Variants in HECW1 observed in about 807,000 individuals in gnomAD.
HECW1 encodes E3 ubiquitin-protein ligase HECW1.
In HECW1, 61 loss-of-function variants were observed where a neutral mutation model predicts 182.3. That is an observed-to-expected ratio of 0.33 (90% CI 0.27 to 0.41). The LOEUF is 0.41. Ranked by LOEUF, HECW1 falls within the 10% of genes least tolerant of loss-of-function variation. The pLI is 1.00. For synonymous variants in HECW1, 859 were observed against 832.6 expected (o/e 1.03, Z -0.55); for missense variants, 1,739 against 2,108.9 (o/e 0.82, Z 3.44).
At chr7:43,281,778 C>G (rs1000301007) in intron 3 of HECW1, among the ~76,000 whole-genome samples, 2 of 113,810 alleles carry the variant, frequency 1.8e-5, no homozygotes, top group African/African-American at 6.8e-5. Context: ...AGGCTAGTCT[C>G]TTGTATTCCT....
chr7:43,477,474 G>A (rs957625206), intron 16 of HECW1, among the ~76,000 whole-genome samples: 2 of 152,130 alleles, frequency 1.3e-5, no homozygotes, highest in Non-Finnish European at 2.9e-5. Context: ...AAAGCATGTT[G>A]ATGCATTTTG....
rs368019811 is a variant in HECW1 at position 43,286,993 on chromosome 7, G to A, written c.28-24770G>A. Among the ~76,000 whole-genome samples the A allele has an allele frequency of 7.9e-5, 12 of 152,216 alleles. No individual in the cohort carries two copies. In the South Asian group the frequency reaches 1.2e-3, roughly 16 times the overall value. Reference sequence around the variant, plus strand: ...TATTGAGTAATTTGCTGTGTCCCGGGCATTGTTTAATGATGGTTGGGGGTA... The same window carrying A: ...TATTGAGTAATTTGCTGTGTCCCGGACATTGTTTAATGATGGTTGGGGGTA... On this transcript the variant is annotated intron_variant, in intron 3 of 29. Coordinates refer to ENST00000395891, the MANE Select transcript of HECW1 (RefSeq NM_015052.5).
chr7:43,195,507 T>A (rs1217043893), intron 2 of HECW1, among the ~76,000 whole-genome samples: 1 of 152,132 alleles, frequency 6.6e-6, no homozygotes, highest in East Asian at 1.9e-4. Flanking sequence ...TAGCCACGCC[T>A]CTTATGTTAC....
chr7:43,333,845 C>T (rs999855259), intron 5 of HECW1, among the ~76,000 whole-genome samples: 2 of 152,100 alleles, frequency 1.3e-5, no homozygotes, highest in African/African-American at 4.8e-5. Context: ...TCTACCTTCC[C>T]CTTGTAATAA....
At chr7:43,537,010 C>T (rs528443118) in intron 24 of HECW1, among the ~76,000 whole-genome samples, 3 of 152,338 alleles carry the variant, frequency 2.0e-5, no homozygotes, top group African/African-American at 4.8e-5. Context: ...GTTGCAGAGG[C>T]TGAGACGGTA....
chr7:43,364,796 C>T (rs1053464545), intron 6 of HECW1, among the ~76,000 whole-genome samples: 2 of 152,220 alleles, frequency 1.3e-5, no homozygotes, highest in South Asian at 4.1e-4. Flanking sequence ...GCACCTATCA[C>T]GTTTTATGTC....
At chr7:43,365,824 T>A (rs1816570126) in intron 6 of HECW1, among the ~76,000 whole-genome samples, 1 of 152,346 alleles carries the variant, frequency 6.6e-6, no homozygotes. Flanking sequence ...CTGGGTGCAG[T>A]GGCTCACGCC....
At chr7:43,345,417 T>A (rs1025094944) in intron 5 of HECW1, among the ~76,000 whole-genome samples, 15 of 152,132 alleles carry the variant, frequency 9.9e-5, no homozygotes, top group Non-Finnish European at 1.5e-5. Context: ...TATGGTTTTT[T>A]ATTTTTATTT....
At chr7:43,299,689 A>G (rs951552833) in intron 3 of HECW1, among the ~76,000 whole-genome samples, 2 of 152,240 alleles carry the variant, frequency 1.3e-5, no homozygotes, top group African/African-American at 4.8e-5. Context: ...GAGACGTTTA[A>G]GAAATCATAG....
chr7:43,529,197 C>G lies in HECW1; in HGVS notation c.4020-11966C>G, dbSNP rs535214359. On this transcript the variant is annotated intron_variant, in intron 24 of 29. Transcript: ENST00000395891. ...ACAGCCGGCGTTCCCACCTCCTCCC[C>G]CTACCATCGCTCCTTGCCAAGCTCG... 4.6e-5 allele frequency among the ~76,000 whole-genome samples: 7 copies of G among 152,186 alleles called. No homozygotes were observed. In the South Asian group the frequency reaches 1.5e-3, roughly 32 times the overall value.
chr7:43,421,515 A>T (rs1012544358), intron 8 of HECW1, among the ~76,000 whole-genome samples: 3 of 152,220 alleles, frequency 2.0e-5, no homozygotes, highest in Non-Finnish European at 2.9e-5. Flanking sequence ...GTGGGTAAAG[A>T]TGTTGAGCTA....
At chr7:43,351,381 G>A (rs113582169) in intron 5 of HECW1, among the ~76,000 whole-genome samples, 20,109 of 152,168 alleles carry the variant, frequency 0.13, 1,448 homozygotes, top group Middle Eastern at 0.29. Flanking sequence ...AGTTTCGGCT[G>A]TAGTAGTATG....
At chr7:43,149,281 C>G (rs1397941616) in intron 2 of HECW1, among the ~76,000 whole-genome samples, 1 of 152,158 alleles carries the variant, frequency 6.6e-6, no homozygotes, top group African/African-American at 2.4e-5. Flanking sequence ...GATATCACCT[C>G]CAGATATGAT....
intron 3 of HECW1, among the ~76,000 whole-genome samples, chr7:43,256,629 AAAG>A (rs2152730112): frequency 6.6e-6 from 1 of 152,006 alleles, no homozygotes; most frequent in South Asian, 2.1e-4. Context: ...AAAAAAAAGA[AAAG>A]AAAAGATGAA....
intron 7 of HECW1, among the ~76,000 whole-genome samples, chr7:43,404,746 G>A (rs1208407955): frequency 3.9e-5 from 6 of 152,218 alleles, no homozygotes; most frequent in East Asian, 3.9e-4. Flanking sequence ...TTGGGAGGCC[G>A]AGGTAGATCA....
rs547217914 is a variant in HECW1, at chr7:43,347,763, A to G, written c.461-13123A>G. Among the ~76,000 whole-genome samples the G allele has an allele frequency of 3.3e-5, 5 of 152,178 alleles. No individual in the cohort carries two copies. The East Asian group carries it at 5.8e-4, about 18-fold the overall frequency. ...GGATTTTGTCAAATGCTTTCTCTGT[A>G]TCTATTGAGATGATCATGTGATTTT... On this transcript the variant is annotated intron_variant, in intron 5 of 29. Transcript: ENST00000395891.
At chr7:43,484,871 G>A (rs907471247) in intron 17 of HECW1, among the ~76,000 whole-genome samples, 2 of 152,216 alleles carry the variant, frequency 1.3e-5, no homozygotes, top group African/African-American at 4.8e-5. Flanking sequence ...TCTCTCCTCA[G>A]AATGTGTGAC....
chr7:43,314,620 C>A (rs1808955193), intron 4 of HECW1, among the ~76,000 whole-genome samples: 1 of 152,148 alleles, frequency 6.6e-6, no homozygotes, highest in Admixed American at 6.5e-5. Flanking sequence ...CAAAAGTAAC[C>A]ACAACTTATC....
At chr7:43,507,002 G>A (rs113906638) in intron 21 of HECW1, 135 bp from the exon 22 acceptor site, 29,142 of 1,032,508 alleles carry the variant, frequency 0.028, 506 homozygotes, top group Non-Finnish European at 0.033. Flanking sequence ...CCCAGGAGGT[G>A]GAAGTTGCGG....
Sources: allele counts gnomAD v4.1 joint callset (sites outside exome capture counted in the v4.1 genomes callset), GRCh38; gene constraint gnomAD v4.1.1; transcripts MANE v1.5; gene names NCBI Gene and HGNC (gene_info 2026-07-23, HGNC 2026-07-21).